Variants in CDA observed in about 807,000 individuals in gnomAD.
The protein encoded by CDA is cytidine aminohydrolase.
CDA carries 7 observed loss-of-function variants against 15.0 expected under a neutral mutation model. That is an observed-to-expected ratio of 0.47 (90% confidence interval 0.26 to 0.87). The LOEUF (loss-of-function observed/expected upper bound fraction) is 0.87. Among genes scored for constraint, CDA ranks in the 40% least tolerant of loss-of-function variants. CDA has a pLI of 0.15. For synonymous variants in CDA, 58 were observed against 73.0 expected, an observed-to-expected ratio of 0.79 and a Z score of 1.05; for missense variants, 159 against 182.7, an observed-to-expected ratio of 0.87 and a Z score of 0.75.
chr1:20,596,892 C>T (rs1201354333), intron 1 of CDA, among the ~76,000 whole-genome samples: 1 of 151,650 alleles, frequency 6.6e-6, no homozygotes, highest in Admixed American at 6.6e-5. Flanking sequence ...TCCCAAGTAG[C>T]TGAGATCACA....
chr1:20,609,610 C>G (rs1026722273), intron 2 of CDA, among the ~76,000 whole-genome samples: 1 of 152,226 alleles, frequency 6.6e-6, no homozygotes, highest in Admixed American at 6.5e-5. Flanking sequence ...CCTAACCATG[C>G]CTTTGTTACG....
intron 1 of CDA, among the ~76,000 whole-genome samples, chr1:20,594,292 C>T (rs1356035999): frequency 1.3e-5 from 2 of 152,188 alleles, no homozygotes; most frequent in African/African-American, 4.8e-5. Flanking sequence ...AGATGGGCCA[C>T]CCAGGATGGT....
At chr1:20,600,753 CAAAA>C (rs5772908) in intron 1 of CDA, among the ~76,000 whole-genome samples, 1 of 121,122 alleles carries the variant, frequency 8.3e-6, no homozygotes, top group Admixed American at 8.6e-5. Flanking sequence ...GACTCTGTCT[CAAAA>C]AAAAAAAAAA....
intron 1 of CDA, among the ~76,000 whole-genome samples, chr1:20,595,819 C>T (rs2052587096): frequency 7.5e-6 from 1 of 133,730 alleles, no homozygotes; most frequent in Admixed American, 8.3e-5. Context: ...CAGCCCAGCC[C>T]GGGCAACAGA....
At chr1:20,609,041 G>A (rs1025126483) in intron 2 of CDA, among the ~76,000 whole-genome samples, 1 of 152,172 alleles carries the variant, frequency 6.6e-6, no homozygotes, top group African/African-American at 2.4e-5. Context: ...TAGGCTGCCT[G>A]GAAACACTAT....
chr1:20,600,753 C>CAA (rs5772908), intron 1 of CDA, among the ~76,000 whole-genome samples: 33,135 of 120,646 alleles, frequency 0.27, 4,340 homozygotes, highest in Middle Eastern at 0.35. Context: ...GACTCTGTCT[C>CAA]AAAAAAAAAA....
chr1:20,613,407 G>C (rs1037049898), intron 2 of CDA, among the ~76,000 whole-genome samples: 1 of 152,126 alleles, frequency 6.6e-6, no homozygotes, highest in Non-Finnish European at 1.5e-5. Context: ...GTTTTACCAC[G>C]TTGGCCAGGC....
At chr1:20,594,189 G>A (rs1205045121) in intron 1 of CDA, among the ~76,000 whole-genome samples, 3 of 152,194 alleles carry the variant, frequency 2.0e-5, no homozygotes, top group Admixed American at 6.5e-5. Flanking sequence ...AAGCAGGCCT[G>A]GCTGCAAAGA....
In CDA at chr1:20,591,290, G is replaced by A. The variant is rs143714049; in HGVS notation, c.154+2007G>A. ...TGGGAGGCGGAGCTTGCAGAGAGCC[G>A]AGATCGTGCCACTGCACTCCAGCCT... On this transcript the variant is annotated intron_variant, in intron 1 of 3. Transcript: ENST00000375071. 5.3e-3 allele frequency among the ~76,000 whole-genome samples: 802 copies of A among 152,120 alleles called. 8 individuals are homozygous for A. Among genetic ancestry groups the A allele is most frequent in the African/African-American group, 0.018 (727 of 41,510 alleles).
chr1:20,613,342 C>T (rs2052771435), intron 2 of CDA, among the ~76,000 whole-genome samples: 1 of 151,888 alleles, frequency 6.6e-6, no homozygotes, highest in Non-Finnish European at 1.5e-5. Flanking sequence ...TAGCTGGGAG[C>T]TACAGGCGCC....
chr1:20,595,004 C>A (rs917638574), intron 1 of CDA, among the ~76,000 whole-genome samples: 2 of 151,938 alleles, frequency 1.3e-5, no homozygotes, highest in African/African-American at 2.4e-5. Flanking sequence ...ATGCATCTGG[C>A]GATGAGACCA....
chr1:20,596,906 A>G (rs994049597), intron 1 of CDA, among the ~76,000 whole-genome samples: 5 of 151,936 alleles, frequency 3.3e-5, no homozygotes, highest in Admixed American at 1.3e-4. Context: ...GATCACAGGC[A>G]TGCACCACCA....
At chr1:20,592,626 C>T (rs1234504442) in intron 1 of CDA, among the ~76,000 whole-genome samples, 2 of 152,248 alleles carry the variant, frequency 1.3e-5, no homozygotes, top group East Asian at 3.8e-4. Flanking sequence ...GCTCCACTCA[C>T]TGACCTGTCT....
intron 1 of CDA, among the ~76,000 whole-genome samples, chr1:20,591,050 C>A (rs141341530): frequency 1.3e-5 from 2 of 152,152 alleles, no homozygotes; most frequent in Non-Finnish European, 2.9e-5. Context: ...TGTTTTAAAA[C>A]CCACAATAGT....
intron 1 of CDA, among the ~76,000 whole-genome samples, chr1:20,592,779 C>A (rs1349525376): frequency 2.6e-5 from 4 of 152,190 alleles, no homozygotes; most frequent in Non-Finnish European, 5.9e-5. Flanking sequence ...GACACATGGA[C>A]CGGGCCTGGC....
In CDA at chr1:20,602,672, G is replaced by A. The variant is rs372876610; in HGVS notation, c.155-2256G>A. 1.9e-3 allele frequency among the ~76,000 whole-genome samples: 284 copies of A among 152,098 alleles called. 2 individuals are homozygous for A. Among genetic ancestry groups the A allele is most frequent in the African/African-American group, 1.4e-3 (60 of 41,432 alleles). On this transcript the variant is annotated intron_variant, in intron 1 of 3. Transcript: ENST00000375071. ...CCTGACCTTGTGATCCGCCCGCTTT[G>A]GCCTCCCAAAGTGCTGGGATTATAG... is the stretch of plus-strand genomic sequence containing the variant.
rs760754305 is a variant in CDA at position 20,610,261 on chromosome 1, C to CTTTTTTTTTTTTTTTTTTTTTTTTTTT, written c.267-3569_267-3568insTTTTTTTTTTTTTTTTTTTTTTTTTTT. On this transcript the variant is annotated intron_variant, in intron 2 of 3. Transcript: ENST00000375071. ...CTGGCACATTCTAGGCACACATTATCTTTTTTTTTTTTATTTTATTTTATT... is the reference window on the plus strand; with the variant it reads ...CTGGCACATTCTAGGCACACATTATCTTTTTTTTTTTTTTTTTTTTTTTTTTTTTTTTTTTTTTTATTTTATTTTATT... 1.4e-4 allele frequency among the ~76,000 whole-genome samples: 9 copies of CTTTTTTTTTTTTTTTTTTTTTTTTTTT among 62,922 alleles called. 1 individual carries two copies. Among genetic ancestry groups the CTTTTTTTTTTTTTTTTTTTTTTTTTTT allele is most frequent in the African/African-American group, 2.0e-4 (5 of 25,222 alleles). 41.3% of individuals were successfully genotyped at this position (62,922 alleles called of 152,430 possible).
intron 2 of CDA, among the ~76,000 whole-genome samples, chr1:20,611,815 C>T (rs1423752510): frequency 1.3e-5 from 2 of 152,216 alleles, no homozygotes; most frequent in Admixed American, 6.5e-5. Flanking sequence ...CTCTGAGACA[C>T]ATGCACTTTA....
intron 2 of CDA, among the ~76,000 whole-genome samples, chr1:20,613,454 C>G (rs2052772645): frequency 6.6e-6 from 1 of 152,228 alleles, no homozygotes; most frequent in African/African-American, 2.4e-5. Context: ...ATCCACCCAC[C>G]TCGGCCTCCC....
Sources: gnomAD v4.1 joint callset for allele counts (sites outside exome capture counted in the v4.1 genomes callset) on GRCh38, gnomAD v4.1.1 for gene constraint, MANE v1.5 for transcripts, NCBI Gene and HGNC (gene_info 2026-07-23, HGNC 2026-07-21) for gene names.